SH3GL2: variants seen among roughly 807,000 people sequenced by gnomAD.
SH3GL2 encodes SH3 domain containing GRB2 like 2, endophilin A1.
Under a neutral mutation model 46.0 loss-of-function variants are expected in SH3GL2, and 24 were observed. The observed-to-expected ratio is 0.52, with a 90% CI of 0.38 to 0.73. The LOEUF (loss-of-function observed/expected upper bound fraction) is 0.73. Ranked by LOEUF, SH3GL2 falls within the 30% of genes least tolerant of loss-of-function variation. The pLI is 0.00. For missense variants in SH3GL2, 413 were observed against 424.2 expected (o/e 0.97, Z 0.23); for synonymous variants, 196 against 147.1 (o/e 1.33, Z -2.40).
At chr9:17,596,362 T>G (rs1818570910) in intron 1 of SH3GL2, among the ~76,000 whole-genome samples, 2 of 152,084 alleles carry the variant, frequency 1.3e-5, no homozygotes, top group African/African-American at 4.8e-5. Flanking sequence ...TTCAGTTCCC[T>G]AAGTCTTATC....
rs1824068113 is a variant in SH3GL2 at position 17,789,705 on chromosome 9, A to C, written c.624+155A>C. The C allele has an allele frequency of 4.4e-6, 6 of 1,374,556 alleles. No individual in the cohort carries two copies. In the South Asian group the frequency reaches 9.9e-5, roughly 23 times the overall value. 85.1% of individuals were successfully genotyped at this position (1,374,556 alleles called of 1,614,324 possible). A position where few individuals can be genotyped will look rare whatever the true frequency, so the allele number is the denominator to read the frequency against. On this transcript the variant is annotated intron_variant, in intron 6 of 8. Coordinates refer to ENST00000380607, the MANE Select transcript of SH3GL2 (RefSeq NM_003026.5). ...TTTATTTTAAATAATTGTCAGTCAT[A>C]AAGTAGACTGAGAAATAGAAAAGTT...
intron 1 of SH3GL2, among the ~76,000 whole-genome samples, chr9:17,639,843 T>G (rs1448152952): frequency 1.3e-5 from 2 of 152,218 alleles, no homozygotes; most frequent in Non-Finnish European, 2.9e-5. Flanking sequence ...TTAATGAAAC[T>G]TTTAAAAGTT....
At chr9:17,643,565 G>C (rs1049103826) in intron 1 of SH3GL2, among the ~76,000 whole-genome samples, 3 of 151,892 alleles carry the variant, frequency 2.0e-5, no homozygotes, top group Admixed American at 6.6e-5. Context: ...CCGACCTTAT[G>C]GAGTGTTTTA....
chr9:17,616,923 C>T (rs1819016492), intron 1 of SH3GL2, among the ~76,000 whole-genome samples: 1 of 152,154 alleles, frequency 6.6e-6, no homozygotes, highest in Non-Finnish European at 1.5e-5. Flanking sequence ...ACTCCTTCCC[C>T]TAGCTAGTTT....
intron 1 of SH3GL2, among the ~76,000 whole-genome samples, chr9:17,699,749 C>T (rs1441089146): frequency 6.6e-6 from 1 of 152,240 alleles, no homozygotes; most frequent in African/African-American, 2.4e-5. Context: ...CATCCATTTT[C>T]TGTGTTACAT....
chr9:17,617,658 C>T (rs903905694), intron 1 of SH3GL2, among the ~76,000 whole-genome samples: 3 of 152,092 alleles, frequency 2.0e-5, no homozygotes, highest in Admixed American at 1.3e-4. Context: ...GAAATGTTGA[C>T]CTATGTGATT....
chr9:17,796,092 C>A lies in SH3GL2; in HGVS notation c.*349C>A. On this transcript the variant is annotated 3_prime_UTR_variant, in exon 9 of 9. Coordinates refer to ENST00000380607, the MANE Select transcript of SH3GL2 (RefSeq NM_003026.5). ...CCCACCGAAGATATTGTCTATCACC[C>A]CAGGGGCCATCTGAAGGTCTCTTTG... The A allele has an allele frequency of 4.7e-6, 1 of 213,118 alleles. No individual in the cohort carries two copies. The highest frequency in any genetic ancestry group is 9.4e-6 in the Non-Finnish European group (1 of 106,524). 13.2% of individuals were successfully genotyped at this position (213,118 alleles called of 1,614,324 possible).
At chr9:17,621,680 A>G (rs754224331) in intron 1 of SH3GL2, among the ~76,000 whole-genome samples, 1 of 152,168 alleles carries the variant, frequency 6.6e-6, no homozygotes, top group Non-Finnish European at 1.5e-5. Flanking sequence ...CATGGCTGTG[A>G]GGGCACCTAG....
At position 17,602,394 on chromosome 9, in the gene SH3GL2, C is replaced by G. The variant is rs572440997; in HGVS notation, c.45+23107C>G. ...TTTAATTGTTGTTTTCTGAGCTCTT[C>G]TGTTTTGAACATTTTTAAAAAAGAC... On this transcript the variant is annotated intron_variant, in intron 1 of 8. Transcript: ENST00000380607. Among the ~76,000 whole-genome samples the G allele has an allele frequency of 3.9e-5, 6 of 152,292 alleles. No homozygotes were observed. The South Asian group carries it at 1.0e-3, about 26-fold the overall frequency.
chr9:17,696,655 A>G (rs563764110), intron 1 of SH3GL2, among the ~76,000 whole-genome samples: 18 of 152,212 alleles, frequency 1.2e-4, no homozygotes, highest in South Asian at 8.3e-4. Flanking sequence ...CACTCACTAT[A>G]ATGAAAACAG....
At chr9:17,639,043 T>G (rs183682933) in intron 1 of SH3GL2, among the ~76,000 whole-genome samples, 2 of 152,216 alleles carry the variant, frequency 1.3e-5, no homozygotes, top group South Asian at 4.1e-4. Context: ...TAGCCAAGTG[T>G]AATGTATGTA....
rs973248325 is a variant in SH3GL2 at position 17,751,285 on chromosome 9, A to G, written c.114+4151A>G. On this transcript the variant is annotated intron_variant, in intron 2 of 8. Transcript: ENST00000380607. Reference sequence around the variant, plus strand: ...CAGATTCAGGTGTGGAGAAAGTCCAATAGGAAAATGTCCATGGTCATTATC... The same window carrying G: ...CAGATTCAGGTGTGGAGAAAGTCCAGTAGGAAAATGTCCATGGTCATTATC... 5.3e-5 allele frequency among the ~76,000 whole-genome samples: 8 copies of G among 152,160 alleles called. No individual in the cohort carries two copies. In the South Asian group the frequency reaches 1.2e-3, roughly 24 times the overall value.
chr9:17,631,707 C>T (rs2134625481), intron 1 of SH3GL2, among the ~76,000 whole-genome samples: 1 of 152,238 alleles, frequency 6.6e-6, no homozygotes, highest in East Asian at 1.9e-4. Flanking sequence ...ATCCTTTATT[C>T]TCCCCACATC....
At chr9:17,628,411 GGTGTGTGTGTGTGTGTGTGT>G (rs3084633) in intron 1 of SH3GL2, among the ~76,000 whole-genome samples, 4 of 143,772 alleles carry the variant, frequency 2.8e-5, no homozygotes, top group South Asian at 2.2e-4. Flanking sequence ...CTATATCTTG[GGTGTGTGTGTGTGTGTGTGT>G]GTGTGTGTGT....
At chr9:17,789,631 G>A (rs746612957) in intron 6 of SH3GL2, 81 bp downstream of exon 6, 21 of 1,581,030 alleles carry the variant, frequency 1.3e-5, no homozygotes, top group Admixed American at 6.8e-5. Flanking sequence ...ACCCTTAAAA[G>A]CATTAATATC....
chr9:17,580,708 A>G (rs1052968187), intron 1 of SH3GL2, among the ~76,000 whole-genome samples: 2 of 152,214 alleles, frequency 1.3e-5, no homozygotes, highest in Admixed American at 6.5e-5. Context: ...TTATACTGCA[A>G]GTTCTTTCAG....
intron 1 of SH3GL2, among the ~76,000 whole-genome samples, chr9:17,619,446 G>T (rs1032641992): frequency 6.6e-6 from 1 of 152,188 alleles, no homozygotes. Flanking sequence ...GGGAGGCTGA[G>T]CCAGGCAGAT....
Position 17,579,225 on chromosome 9 carries a change from A to T in SH3GL2, c.-18A>T, listed in dbSNP as rs781437971. 2 of 1,542,258 alleles carry T rather than the reference A, an allele frequency of 1.3e-6. No individual in the cohort carries two copies. Among genetic ancestry groups the T allele is most frequent in the Non-Finnish European group, 1.7e-6 (2 of 1,145,876 alleles). ...TCCTCCCTCCCGCACAGCAGCCGCC[A>T]GCGCGGCCTCCTGCACCATGTCGGT... On this transcript the variant is annotated 5_prime_UTR_variant, in exon 1 of 9. Coordinates refer to ENST00000380607, the MANE Select transcript of SH3GL2 (RefSeq NM_003026.5).
intron 1 of SH3GL2, among the ~76,000 whole-genome samples, chr9:17,662,390 G>C (rs1820243669): frequency 6.6e-6 from 1 of 152,176 alleles, no homozygotes. Flanking sequence ...AGGAGAAAAT[G>C]TTCTCATGCT....
Sources: allele counts gnomAD v4.1 joint callset (sites outside exome capture counted in the v4.1 genomes callset), GRCh38; gene constraint gnomAD v4.1.1; transcripts MANE v1.5; gene names NCBI Gene and HGNC (gene_info 2026-07-23, HGNC 2026-07-21).